The following CCDC30 variants were observed in gnomAD, a reference collection of about 807,000 sequenced individuals.
CCDC30 encodes coiled-coil domain containing 30.
Under a neutral mutation model 100.2 loss-of-function variants are expected in CCDC30, and 70 were observed. The observed-to-expected ratio is 0.70, with a 90% CI of 0.58 to 0.85. The LOEUF (loss-of-function observed/expected upper bound fraction) is 0.85. CCDC30 is among the 40% of genes least tolerant of loss of function. The pLI, the probability that CCDC30 is intolerant of heterozygous loss-of-function variation, is 0.00. For missense variants in CCDC30, 652 were observed against 771.2 expected (o/e 0.85, Z 1.83); for synonymous variants, 233 against 269.5 (o/e 0.86, Z 1.33).
exon 10 of CCDC30, chr1:42,589,338 A>G (rs1395947564): frequency 6.2e-7 from 1 of 1,608,432 alleles, no homozygotes; most frequent in Admixed American, 1.7e-5. Context: ...CTATATCAGA[A>G]CGTAGATGAG....
At chr1:42,598,274 T>C (rs904603036) in intron 10 of CCDC30, among the ~76,000 whole-genome samples, 3 of 151,992 alleles carry the variant, frequency 2.0e-5, no homozygotes, top group Admixed American at 1.3e-4. Flanking sequence ...CCCAGCACTT[T>C]GGGAGGCTGA....
intron 6 of CCDC30, among the ~76,000 whole-genome samples, chr1:42,500,817 C>A (rs1299586139): frequency 6.6e-6 from 1 of 152,176 alleles, no homozygotes; most frequent in East Asian, 1.9e-4. Context: ...CTCTCAAACA[C>A]CTGGCCTGAA....
chr1:42,635,413 G>A (rs1308830652), intron 11 of CCDC30, among the ~76,000 whole-genome samples: 1 of 152,174 alleles, frequency 6.6e-6, no homozygotes, highest in African/African-American at 2.4e-5. Context: ...CCTTTTGGCT[G>A]TTATGGATAA....
At chr1:42,582,027 G>C (rs1470722233) in intron 9 of CCDC30, among the ~76,000 whole-genome samples, 1 of 146,112 alleles carries the variant, frequency 6.8e-6, no homozygotes, top group Non-Finnish European at 1.5e-5. Context: ...TTTGAGACCA[G>C]CCTGGGCAGC....
chr1:42,546,400 ATATATATATATATAT>A lies in CCDC30; in HGVS notation c.457-19895_457-19881del, dbSNP rs1396113136. Among the ~76,000 whole-genome samples, 90 of 97,594 alleles carry A rather than the reference ATATATATATATATAT, an allele frequency of 9.2e-4. 10 individuals carry two copies. The highest frequency in any genetic ancestry group is 6.7e-3 in the East Asian group (23 of 3,446). The allele number at this position is 97,594 out of a possible 152,430, so 64.0% of individuals were successfully genotyped here. A position where few individuals can be genotyped will look rare whatever the true frequency, so the allele number is the denominator to read the frequency against. On this transcript the variant is annotated intron_variant, in intron 6 of 16. Coordinates refer to ENST00000668663, the Ensembl canonical transcript of CCDC30. ...AATTCTGTCTCAAAAAAAAAAAAAA[ATATATATATATATAT>A]ATATATATATATATATATATATATA...
At chr1:42,476,882 A>T (rs2148449269) in intron 1 of CCDC30, among the ~76,000 whole-genome samples, 1 of 121,226 alleles carries the variant, frequency 8.2e-6, no homozygotes, top group Non-Finnish European at 1.7e-5. Flanking sequence ...CGTTGATGGA[A>T]GTTTTTTTTT....
chr1:42,639,479 T>C (rs1309305741), intron 12 of CCDC30, among the ~76,000 whole-genome samples: 1 of 152,192 alleles, frequency 6.6e-6, no homozygotes, highest in African/African-American at 2.4e-5. Context: ...AGGAAACTAA[T>C]GCACCTACCC....
chr1:42,642,439 T>A (rs1277589746), intron 12 of CCDC30, 34 bp from the exon 17 acceptor site: 1 of 1,447,768 alleles, frequency 6.9e-7, no homozygotes. Flanking sequence ...TACTTTCTCC[T>A]GCTGTGGTAA....
At chr1:42,613,887 A>C (rs1646674396) in intron 11 of CCDC30, among the ~76,000 whole-genome samples, 1 of 151,990 alleles carries the variant, frequency 6.6e-6, no homozygotes. Flanking sequence ...AACTCATGGG[A>C]ATGCAGCCCA....
At chr1:42,555,440 T>C (rs960804404) in intron 6 of CCDC30, among the ~76,000 whole-genome samples, 2 of 152,226 alleles carry the variant, frequency 1.3e-5, no homozygotes, top group Non-Finnish European at 2.9e-5. Flanking sequence ...TAAGCTCATT[T>C]CTTATCCTCA....
chr1:42,613,754 A>G (rs1415637155), intron 11 of CCDC30, among the ~76,000 whole-genome samples: 2 of 152,138 alleles, frequency 1.3e-5, no homozygotes, highest in Non-Finnish European at 2.9e-5. Flanking sequence ...GGTCACTTTC[A>G]TTGCCATATT....
upstream of CCDC30, chr1:42,463,192 C>T (rs1643457973): frequency 6.6e-6 from 1 of 152,272 alleles, no homozygotes; most frequent in South Asian, 2.1e-4. Context: ...ATAACAGTCT[C>T]CACAAGAACC....
chr1:42,641,592 C>T (rs1054090679), intron 12 of CCDC30, among the ~76,000 whole-genome samples: 16 of 151,762 alleles, frequency 1.1e-4, no homozygotes, highest in African/African-American at 3.4e-4. Context: ...AACAGCTGGA[C>T]GCAGTGCCTC....
intron 11 of CCDC30, among the ~76,000 whole-genome samples, chr1:42,621,622 C>G (rs1487571609): frequency 6.6e-6 from 1 of 152,126 alleles, no homozygotes; most frequent in African/African-American, 2.4e-5. Context: ...CGCCATTCTC[C>G]TGCCTCAGCC....
In CCDC30 at chr1:42,557,464, C is replaced by T. The variant is rs553706400; in HGVS notation, c.457-8832C>T. ...GTGGGAGGCTTGAGCAGAAGCTGAA[C>T]ACTGTGATCACAAAGATTATCAAAT... On this transcript the variant is annotated intron_variant, in intron 6 of 16. Coordinates refer to ENST00000668663, the Ensembl canonical transcript of CCDC30. Among the ~76,000 whole-genome samples the T allele has an allele frequency of 2.0e-5, 3 of 151,960 alleles. No individual in the cohort carries two copies. The South Asian group carries it at 6.2e-4, about 31-fold the overall frequency.
chr1:42,498,335 G>C (rs1316562641), intron 5 of CCDC30, among the ~76,000 whole-genome samples: 1 of 152,160 alleles, frequency 6.6e-6, no homozygotes, highest in Non-Finnish European at 1.5e-5. Context: ...GCAAGATGAA[G>C]AGTTCTGGAG....
chr1:42,468,896 A>C (rs997327634), intron 1 of CCDC30, among the ~76,000 whole-genome samples: 15 of 152,168 alleles, frequency 9.9e-5, no homozygotes, highest in Non-Finnish European at 1.9e-4. Flanking sequence ...AGCTAAAGGC[A>C]GGGTTTTCCT....
chr1:42,605,363 T>G (rs1646481946), intron 10 of CCDC30, among the ~76,000 whole-genome samples: 2 of 152,308 alleles, frequency 1.3e-5, no homozygotes, highest in African/African-American at 2.4e-5. Context: ...AAATTTCCTA[T>G]CTGCTTAAAC....
intron 6 of CCDC30, among the ~76,000 whole-genome samples, chr1:42,501,974 T>A (rs549553966): frequency 5.6e-4 from 85 of 152,340 alleles, no homozygotes; most frequent in African/African-American, 1.9e-3. Flanking sequence ...CACTACTCTC[T>A]TCAAAGCTGT....
Sources: gnomAD v4.1 joint callset for allele counts (sites outside exome capture counted in the v4.1 genomes callset) on GRCh38, gnomAD v4.1.1 for gene constraint, MANE v1.5 for transcripts, NCBI Gene and HGNC (gene_info 2026-07-23, HGNC 2026-07-21) for gene names.